TRPM3: variants seen among roughly 807,000 people sequenced by gnomAD.
The protein encoded by TRPM3 is long transient receptor potential channel 3.
Under a neutral mutation model 181.2 loss-of-function variants are expected in TRPM3, and 77 were observed. The observed-to-expected ratio is 0.42, with a 90% CI of 0.35 to 0.51. The LOEUF is 0.51. Ranked by LOEUF, TRPM3 falls within the 20% of genes least tolerant of loss-of-function variation. The pLI is 0.01. For synonymous variants in TRPM3, 745 were observed against 796.4 expected (o/e 0.94, Z 1.09); for missense variants, 1,759 against 2,196.7 (o/e 0.80, Z 3.98).
intron 10 of TRPM3, 144 bp downstream of exon 10, chr9:70,640,416 T>G: frequency 1.8e-6 from 1 of 546,086 alleles, no homozygotes; most frequent in Non-Finnish European, 3.2e-6. Context: ...GAAAGGGAGC[T>G]CAGGATACAG....
At chr9:70,743,326 C>A (rs955762334) in intron 8 of TRPM3, among the ~76,000 whole-genome samples, 1 of 152,154 alleles carries the variant, frequency 6.6e-6, no homozygotes, top group Non-Finnish European at 1.5e-5. Context: ...ACCAACACTA[C>A]AAGTAGATAT....
At chr9:70,895,101 C>T (rs138724984) in intron 1 of TRPM3, among the ~76,000 whole-genome samples, 496 of 152,228 alleles carry the variant, frequency 3.3e-3, no homozygotes, top group Non-Finnish European at 5.3e-3. Flanking sequence ...TTGCAAAATG[C>T]AAAGTGCTAC....
chr9:71,425,833 T>C (rs1169445391), intron 1 of TRPM3, among the ~76,000 whole-genome samples: 1 of 152,164 alleles, frequency 6.6e-6, no homozygotes, highest in Non-Finnish European at 1.5e-5. Flanking sequence ...GTAGCACTCT[T>C]TGCCTCCTTC....
At chr9:70,674,637 G>A (rs1306260016) in intron 9 of TRPM3, among the ~76,000 whole-genome samples, 1 of 151,470 alleles carries the variant, frequency 6.6e-6, no homozygotes, top group Non-Finnish European at 1.5e-5. Flanking sequence ...ATGGCTTACT[G>A]CAGCCTTGAC....
intron 1 of TRPM3, among the ~76,000 whole-genome samples, chr9:70,960,290 C>T (rs982979261): frequency 6.6e-6 from 1 of 152,146 alleles, no homozygotes; most frequent in Non-Finnish European, 1.5e-5. Context: ...AGCATCTCAG[C>T]TCTGTTGTGA....
chr9:70,583,127 T>C (rs1292815470), intron 22 of TRPM3, among the ~76,000 whole-genome samples: 1 of 152,210 alleles, frequency 6.6e-6, no homozygotes, highest in Non-Finnish European at 1.5e-5. Context: ...CTCTGGCTGC[T>C]TTTGTGGTCC....
chr9:71,086,025 G>A (rs1245023091), intron 1 of TRPM3, among the ~76,000 whole-genome samples: 1 of 151,834 alleles, frequency 6.6e-6, no homozygotes, highest in Non-Finnish European at 1.5e-5. Context: ...CACATAAAAA[G>A]AACAAAATCA....
intron 1 of TRPM3, 101 bp downstream of exon 1, chr9:71,121,077 T>C: frequency 8.2e-7 from 1 of 1,215,452 alleles, no homozygotes; most frequent in Non-Finnish European, 1.2e-6. Context: ...ACTGCATGCA[T>C]TTAGGCTCCC....
At chr9:71,349,663 A>C (rs1461337886) in intron 1 of TRPM3, among the ~76,000 whole-genome samples, 1 of 152,214 alleles carries the variant, frequency 6.6e-6, no homozygotes, top group Non-Finnish European at 1.5e-5. Context: ...ATACGATTAC[A>C]ATCAACAATC....
intron 1 of TRPM3, among the ~76,000 whole-genome samples, chr9:71,028,913 A>G (rs1216755964): frequency 1.3e-5 from 2 of 152,166 alleles, no homozygotes; most frequent in African/African-American, 4.8e-5. Context: ...TGAGCTCAAC[A>G]CTAAACCAAA....
At chr9:70,629,272 C>A (rs1260103199) in intron 12 of TRPM3, among the ~76,000 whole-genome samples, 3 of 121,588 alleles carry the variant, frequency 2.5e-5, no homozygotes, top group Non-Finnish European at 4.9e-5. Flanking sequence ...TTCACCTAAC[C>A]GAAGCCAATG....
intron 1 of TRPM3, among the ~76,000 whole-genome samples, chr9:71,298,543 T>C (rs2086493770): frequency 6.6e-6 from 1 of 152,002 alleles, no homozygotes; most frequent in Admixed American, 6.6e-5. Context: ...CAGTATATAA[T>C]CAATATGGTA....
At chr9:70,774,460 T>C (rs1277178038) in intron 7 of TRPM3, 1 of 152,192 alleles carries the variant, frequency 6.6e-6, no homozygotes, top group Non-Finnish European at 1.5e-5. Flanking sequence ...TTTTGGCCAA[T>C]GATGAACTAT....
chr9:70,931,578 T>G (rs2096775615), intron 1 of TRPM3, among the ~76,000 whole-genome samples: 1 of 151,272 alleles, frequency 6.6e-6, no homozygotes, highest in Non-Finnish European at 1.5e-5. Flanking sequence ...TTAGAATTGA[T>G]CACCATTTGA....
At chr9:70,590,639 A>G (rs527982114) in intron 22 of TRPM3, among the ~76,000 whole-genome samples, 1 of 152,362 alleles carries the variant, frequency 6.6e-6, no homozygotes, top group East Asian at 1.9e-4. Flanking sequence ...AGTCCAACTC[A>G]AGAAATTTAT....
chr9:70,546,181 C>T (rs2044830688), intron 25 of TRPM3, among the ~76,000 whole-genome samples: 1 of 152,330 alleles, frequency 6.6e-6, no homozygotes, highest in South Asian at 2.1e-4. Flanking sequence ...TCAGCACCAT[C>T]CTCTGCCAAG....
At chr9:70,657,410 C>T (rs1402970840) in intron 9 of TRPM3, among the ~76,000 whole-genome samples, 1 of 151,352 alleles carries the variant, frequency 6.6e-6, no homozygotes, top group African/African-American at 2.4e-5. Flanking sequence ...GTTGTTTTTC[C>T]TTGGGTTCTG....
At chr9:71,047,810 TCACACACACACACACACACACA>T (rs56653631) in intron 1 of TRPM3, among the ~76,000 whole-genome samples, 82 of 141,578 alleles carry the variant, frequency 5.8e-4, no homozygotes, top group East Asian at 4.0e-3. Flanking sequence ...ACTGGCTGCA[TCACACACACACACACACACACA>T]CACACACACA....
chr9:71,224,294 A>G (rs2080438885), intron 1 of TRPM3, among the ~76,000 whole-genome samples: 4 of 152,228 alleles, frequency 2.6e-5, no homozygotes, highest in Non-Finnish European at 1.5e-5. Flanking sequence ...AAGACCATCA[A>G]GACAGTATCT....
Sources: gnomAD v4.1 joint callset for allele counts (sites outside exome capture counted in the v4.1 genomes callset) on GRCh38, gnomAD v4.1.1 for gene constraint, MANE v1.5 for transcripts, NCBI Gene and HGNC (gene_info 2026-07-23, HGNC 2026-07-21) for gene names.